The following ZSWIM5 variants were observed in gnomAD, a reference collection of about 807,000 sequenced individuals.
ZSWIM5 encodes the protein zinc finger SWIM-type containing 5.
Under a neutral mutation model 119.6 loss-of-function variants are expected in ZSWIM5, and 55 were observed. The ratio of observed to expected loss-of-function variants is 0.46; its 90% CI spans 0.37 to 0.58. The LOEUF is 0.58. ZSWIM5 is among the 20% of genes least tolerant of loss of function. The probability of loss-of-function intolerance (pLI) is 0.00; values close to 1 mark genes in which losing one functional copy is unlikely to be tolerated. For missense variants in ZSWIM5, 1,193 were observed against 1,512.8 expected (o/e 0.79, Z 3.51); for synonymous variants, 537 against 606.9 (o/e 0.88, Z 1.69).
chr1:45,034,556 G>A, intron 10 of ZSWIM5, 87 bp from the exon 11 acceptor site: 1 of 1,449,354 alleles, frequency 6.9e-7, no homozygotes. Context: ...TGCTGGGGAG[G>A]AACTGGGGAG....
rs1308056350 is a variant in ZSWIM5, at chr1:45,020,132, A to T, written c.2629T>A (p.Leu877Ile). 6.2e-7 allele frequency: 1 copy of T among 1,614,034 alleles called. No homozygotes were observed. Among genetic ancestry groups the T allele is most frequent in the East Asian group, 2.2e-5 (1 of 44,886 alleles). ...CTGCGTCTCCAGTTAAGGGTTGATA[A>T]GGTCATCCGCATCACCTGGGCACAA... Reference protein sequence around the residue: ...ELGLQVMRMTLSTLNWRRREM... With the variant: ...ELGLQVMRMTISTLNWRRREM... Residue 877 changes from leucine to isoleucine, a missense_variant, in exon 13 of 14, where the codon TTA becomes ATA. Physicochemically the swap from Leu to Ile is conservative, Grantham distance 5 (BLOSUM62 2). Around this residue, in one of 2 missense-constraint regions of ZSWIM5, gnomAD observed 961 missense variants for 1,290.0 expected, o/e 0.74. Transcript: ENST00000359600.
chr1:45,069,392 C>G (rs1243017870), intron 2 of ZSWIM5, among the ~76,000 whole-genome samples: 5 of 151,190 alleles, frequency 3.3e-5, no homozygotes, highest in African/African-American at 9.8e-5. Context: ...TGCCACTGCA[C>G]TCCAGCCTGG....
At chr1:45,141,370 A>G (rs926200603) in intron 1 of ZSWIM5, among the ~76,000 whole-genome samples, 1 of 152,214 alleles carries the variant, frequency 6.6e-6, no homozygotes, top group Non-Finnish European at 1.5e-5. Context: ...AGGGAACCAG[A>G]AAGTACTAGG....
intron 1 of ZSWIM5, among the ~76,000 whole-genome samples, chr1:45,159,972 T>C (rs560495102): frequency 2.0e-5 from 3 of 152,276 alleles, no homozygotes; most frequent in Admixed American, 6.5e-5. Flanking sequence ...TGTCACTTTT[T>C]TGATGAACTC....
At chr1:45,109,895 C>T (rs13374751) in intron 1 of ZSWIM5, among the ~76,000 whole-genome samples, 3,138 of 152,014 alleles carry the variant, frequency 0.021, 116 homozygotes, top group African/African-American at 0.072. Context: ...GGCAAGGTCT[C>T]GCTGTGTTAC....
chr1:45,099,054 A>T (rs1645421333), intron 1 of ZSWIM5, among the ~76,000 whole-genome samples: 2 of 152,230 alleles, frequency 1.3e-5, no homozygotes, highest in South Asian at 4.1e-4. Context: ...AGATCAGAGC[A>T]GAACTGAAGG....
At position 45,020,143 on chromosome 1, in the gene ZSWIM5, A is replaced by G; in HGVS notation, c.2618T>C (p.Met873Thr). 1 of 1,614,120 alleles carries G rather than the reference A, an allele frequency of 6.2e-7. No individual in the cohort carries two copies. The highest frequency in any genetic ancestry group is 1.7e-5 in the Admixed American group (1 of 60,008). ...GTTAAGGGTTGATAAGGTCATCCGC[A>G]TCACCTGGGCACAAAAGAGGCCTTT... ...NVALELGLQV[M>T]RMTLSTLNWR... Residue 873 changes from methionine (M) to threonine (T), a missense_variant, in exon 13 of 14, where the codon ATG becomes ACG. By Grantham distance (81) the Met-to-Thr change is moderately conservative. Coordinates refer to ENST00000359600, the MANE Select transcript of ZSWIM5 (RefSeq NM_020883.2).
At position 45,103,367 on chromosome 1, in the gene ZSWIM5, C is replaced by A. The variant is rs191906864; in HGVS notation, c.596-15130G>T. 1.7e-3 allele frequency among the ~76,000 whole-genome samples: 266 copies of A among 152,270 alleles called. 4 individuals carry two copies. Among genetic ancestry groups the A allele is most frequent in the Middle Eastern group, 6.8e-3 (2 of 294 alleles). ...TCAAAGCAACCCTACAAAGTAGATT[C>A]TGTTGTTATTTCCCTGTTTCCGATA... On this transcript the variant is annotated intron_variant, in intron 1 of 13. Coordinates refer to ENST00000359600, the MANE Select transcript of ZSWIM5 (RefSeq NM_020883.2).
Position 45,024,899 on chromosome 1 carries a change from C to T in ZSWIM5, c.2450-4111G>A, listed in dbSNP as rs188863645. Among the ~76,000 whole-genome samples, 16 of 152,198 alleles carry T rather than the reference C, an allele frequency of 1.1e-4. No individual in the cohort carries two copies. In the East Asian group the frequency reaches 2.9e-3, roughly 28 times the overall value. ...TGAACTCCTGACCTCAGATGATCTG[C>T]CCGCCTCAGCCTCCCAAAGTGCTGG... On this transcript the variant is annotated intron_variant, in intron 11 of 13. Transcript: ENST00000359600.
chr1:45,045,923 T>A (rs1645050832), intron 5 of ZSWIM5, among the ~76,000 whole-genome samples: 1 of 151,370 alleles, frequency 6.6e-6, no homozygotes, highest in Non-Finnish European at 1.5e-5. Context: ...AGGCAGGGGG[T>A]TATTGTTTTA....
At chr1:45,177,572 G>C (rs542273649) in intron 1 of ZSWIM5, among the ~76,000 whole-genome samples, 1 of 152,028 alleles carries the variant, frequency 6.6e-6, no homozygotes, top group Non-Finnish European at 1.5e-5. Flanking sequence ...AATGAAAGAT[G>C]GGCATAAAAG....
chr1:45,034,526 C>T (rs1347253022), intron 10 of ZSWIM5, 57 bp from the exon 11 acceptor site: 2 of 1,530,736 alleles, frequency 1.3e-6, no homozygotes, highest in Non-Finnish European at 1.8e-6. Flanking sequence ...TTCCGAGCCA[C>T]CTTAGAGAAG....
chr1:45,171,188 A>G (rs1201007745), intron 1 of ZSWIM5, among the ~76,000 whole-genome samples: 1 of 152,090 alleles, frequency 6.6e-6, no homozygotes, highest in Non-Finnish European at 1.5e-5. Flanking sequence ...CACTGGAATA[A>G]CTACTCTTTG....
At chr1:45,114,109 T>C (rs770225291) in intron 1 of ZSWIM5, among the ~76,000 whole-genome samples, 1 of 152,184 alleles carries the variant, frequency 6.6e-6, no homozygotes, top group Non-Finnish European at 1.5e-5. Flanking sequence ...TCCTTAAATA[T>C]AATGTGCAAG....
At chr1:45,180,199 C>T (rs910681906) in intron 1 of ZSWIM5, among the ~76,000 whole-genome samples, 51 of 152,234 alleles carry the variant, frequency 3.4e-4, no homozygotes, top group South Asian at 4.1e-4. Flanking sequence ...GGGTGACAGA[C>T]GGCACCTGGA....
At chr1:45,099,847 A>G (rs1645427374) in intron 1 of ZSWIM5, among the ~76,000 whole-genome samples, 1 of 152,038 alleles carries the variant, frequency 6.6e-6, no homozygotes, top group Non-Finnish European at 1.5e-5. Context: ...AAAATTCAAC[A>G]GCCTTCATGC....
intron 1 of ZSWIM5, among the ~76,000 whole-genome samples, chr1:45,175,994 C>T (rs1057224484): frequency 6.6e-6 from 1 of 151,816 alleles, no homozygotes; most frequent in African/African-American, 2.4e-5. Flanking sequence ...CTGCCTCACC[C>T]CTAAATTCAG....
chr1:45,205,892 G>T lies in ZSWIM5; in HGVS notation c.459C>A (p.Pro153=), dbSNP rs1570221977. 3.7e-6 allele frequency: 4 copies of T among 1,079,678 alleles called. No homozygotes were observed. In the East Asian group the frequency reaches 2.0e-4, roughly 53 times the overall value. 66.9% of individuals were successfully genotyped at this position (1,079,678 alleles called of 1,614,324 possible). Residue 153 remains proline (P), a synonymous_variant, in exon 1 of 14, where the codon CCC becomes CCA. Transcript: ENST00000359600. ...GGGATGCCCCAGCCGCGACGCCCCC[G>T]GGGGCGGAGCCGGCCGGAGCGGCGG... ...PGAAAPAGSA[P]GGVAAGASPG...
At chr1:45,042,875 A>T (rs1368620947) in intron 6 of ZSWIM5, among the ~76,000 whole-genome samples, 1 of 152,218 alleles carries the variant, frequency 6.6e-6, no homozygotes, top group African/African-American at 2.4e-5. Context: ...TTAACAAAAC[A>T]TGTAATTTCA....
Sources: allele counts gnomAD v4.1 joint callset (sites outside exome capture counted in the v4.1 genomes callset), GRCh38; gene constraint gnomAD v4.1.1; regional missense constraint gnomAD v4.1.1; transcripts MANE v1.5; gene names NCBI Gene and HGNC (gene_info 2026-07-23, HGNC 2026-07-21).